Variants in CUX2 observed in about 807,000 individuals in gnomAD.
The protein encoded by CUX2 is cut like homeobox 2.
A neutral mutation model predicts 144.8 loss-of-function variants in CUX2; 40 were observed. The ratio of observed to expected loss-of-function variants is 0.28; its 90% CI spans 0.21 to 0.36. The LOEUF is 0.36. Among genes scored for constraint, CUX2 ranks in the 10% least tolerant of loss-of-function variants. The pLI is 1.00. For synonymous variants in CUX2, 827 were observed against 875.6 expected, an observed-to-expected ratio of 0.94 and a Z score of 0.98; for missense variants, 1,615 against 1,994.0, an observed-to-expected ratio of 0.81 and a Z score of 3.62.
At chr12:111,174,048 T>C (rs914691841) in intron 1 of CUX2, among the ~76,000 whole-genome samples, 3 of 152,164 alleles carry the variant, frequency 2.0e-5, no homozygotes, top group South Asian at 4.1e-4. Context: ...GAGGAAATGC[T>C]GTAGAGAAGC....
Position 111,277,113 on chromosome 12 carries a change from C to G in CUX2, c.301+13274C>G, listed in dbSNP as rs577330516. Reference sequence around the variant, plus strand: ...AACCTTGTGGATGTGGGGGCCCCATCTGCCCCAGGATGAATGGTTGCTGGA... The same window carrying G: ...AACCTTGTGGATGTGGGGGCCCCATGTGCCCCAGGATGAATGGTTGCTGGA... On this transcript the variant is annotated intron_variant, in intron 4 of 21. Transcript: ENST00000261726. The surrounding 1 kb of genome is among the most constrained non-coding windows in gnomAD (Gnocchi z 5.0). Among the ~76,000 whole-genome samples the G allele has an allele frequency of 6.6e-6, 1 of 152,278 alleles. No homozygotes were observed. The highest frequency in any genetic ancestry group is 2.1e-4 in the South Asian group (1 of 4,826).
At chr12:111,213,428 C>T (rs2136224010) in intron 1 of CUX2, among the ~76,000 whole-genome samples, 1 of 152,200 alleles carries the variant, frequency 6.6e-6, no homozygotes, top group African/African-American at 2.4e-5. Flanking sequence ...CCGAAGCATC[C>T]CCCCTTCCAT....
Position 111,178,496 on chromosome 12 carries a change from C to T in CUX2, c.64-35704C>T, listed in dbSNP as rs1014935675. 1.3e-5 allele frequency among the ~76,000 whole-genome samples: 2 copies of T among 152,162 alleles called. No individual in the cohort carries two copies. The highest frequency in any genetic ancestry group is 2.4e-5 in the African/African-American group (1 of 41,430). On this transcript the variant is annotated intron_variant, in intron 1 of 21. Transcript: ENST00000261726. The surrounding 1 kb of genome is among the most constrained non-coding windows in gnomAD (Gnocchi z 5.7). ...TTATGACCCGGTCCAGCCACTCCCC[C>T]TCCCCCATTTAAAACACAGAACGTG...
intron 18 of CUX2, among the ~76,000 whole-genome samples, chr12:111,326,508 G>T (rs1887827449): frequency 6.6e-6 from 1 of 151,756 alleles, no homozygotes; most frequent in South Asian, 2.1e-4. Flanking sequence ...TTGGTTTTTG[G>T]TTTTTTGAGA....
At position 111,298,523 on chromosome 12, in the gene CUX2, C is replaced by T; in HGVS notation, c.705-18C>T. 1 of 1,568,260 alleles carries T rather than the reference C, an allele frequency of 6.4e-7. No individual in the cohort carries two copies. The highest frequency in any genetic ancestry group is 2.3e-5 in the East Asian group (1 of 43,304). ...CCCGCCGGAAGCCCTTCCTCAGGGC[C>T]TCATCTTTGTGTCTCAGGGCAGATG... On this transcript the variant is annotated intron_variant, in intron 8 of 21. Transcript: ENST00000261726.
rs1869453135 is a variant in CUX2 at position 111,036,481 on chromosome 12, A to T, written c.63+2241A>T. Among the ~76,000 whole-genome samples the T allele has an allele frequency of 2.6e-5, 4 of 152,132 alleles. No individual in the cohort carries two copies. The South Asian group carries it at 8.3e-4, about 32-fold the overall frequency. ...CTTGATTCCAGCTGGACGCCCATTA[A>T]TCTGGGAACCCTTTGTTAGGGTTTT... On this transcript the variant is annotated intron_variant, in intron 1 of 21. Transcript: ENST00000261726.
At position 111,037,130 on chromosome 12, in the gene CUX2, C is replaced by G. The variant is rs1869497152; in HGVS notation, c.63+2890C>G. On this transcript the variant is annotated intron_variant, in intron 1 of 21. Coordinates refer to ENST00000261726, the MANE Select transcript of CUX2 (RefSeq NM_015267.4). This position sits in a 1 kb window ranked among gnomAD's most constrained non-coding sequence, Gnocchi z 5.4. Reference sequence around the variant, plus strand: ...GATCCAGGTAGGAGAGGCAGGTCCCCGTGCCCAGCCCCAGGCAGCCGGAGA... The same window carrying G: ...GATCCAGGTAGGAGAGGCAGGTCCCGGTGCCCAGCCCCAGGCAGCCGGAGA... Among the ~76,000 whole-genome samples, 1 of 152,184 alleles carries G rather than the reference C, an allele frequency of 6.6e-6. No homozygotes were observed. The highest frequency in any genetic ancestry group is 1.5e-5 in the Non-Finnish European group (1 of 68,038).
chr12:111,245,145 C>G (rs1883218235), intron 3 of CUX2, among the ~76,000 whole-genome samples: 1 of 152,124 alleles, frequency 6.6e-6, no homozygotes, highest in Non-Finnish European at 1.5e-5. Flanking sequence ...GTGAACTGTT[C>G]TTGGTATTTT....
At chr12:111,048,033 G>C (rs955411352) in intron 1 of CUX2, among the ~76,000 whole-genome samples, 6 of 152,190 alleles carry the variant, frequency 3.9e-5, no homozygotes, top group African/African-American at 1.4e-4. Flanking sequence ...ACCAAAGGGA[G>C]GCCAGTGAGG....
intron 3 of CUX2, among the ~76,000 whole-genome samples, chr12:111,243,485 G>C (rs961818248): frequency 7.1e-6 from 1 of 140,308 alleles, no homozygotes; most frequent in East Asian, 2.1e-4. Context: ...CATTATGATT[G>C]GTTGATGTGC....
At chr12:111,119,429 C>A (rs1309330255) in intron 1 of CUX2, among the ~76,000 whole-genome samples, 2 of 151,640 alleles carry the variant, frequency 1.3e-5, no homozygotes, top group African/African-American at 4.9e-5. Context: ...CATAGCGAGA[C>A]CCCATCTTTA....
At chr12:111,116,224 C>A (rs940625031) in intron 1 of CUX2, among the ~76,000 whole-genome samples, 1 of 152,216 alleles carries the variant, frequency 6.6e-6, no homozygotes, top group East Asian at 1.9e-4. Context: ...TCTGGGGGAA[C>A]GAAAGATGTT....
chr12:111,053,482 T>C (rs1870374964), intron 1 of CUX2, among the ~76,000 whole-genome samples: 1 of 152,142 alleles, frequency 6.6e-6, no homozygotes, highest in Non-Finnish European at 1.5e-5. Flanking sequence ...GCCCCAAGAG[T>C]ATTCTATGAA....
intron 1 of CUX2, among the ~76,000 whole-genome samples, chr12:111,060,713 A>G (rs895227312): frequency 7.2e-5 from 11 of 152,170 alleles, no homozygotes; most frequent in African/African-American, 2.7e-4. Flanking sequence ...CCTTTCCCTC[A>G]GGCCCAGCCC....
chr12:111,099,254 G>A (rs1328536106), intron 1 of CUX2, among the ~76,000 whole-genome samples: 11 of 152,358 alleles, frequency 7.2e-5, no homozygotes, highest in East Asian at 3.9e-4. Flanking sequence ...CCAAAGGCTC[G>A]GAGGTGGGCT....
At chr12:111,136,665 A>T (rs1166505678) in intron 1 of CUX2, among the ~76,000 whole-genome samples, 1 of 152,090 alleles carries the variant, frequency 6.6e-6, no homozygotes, top group African/African-American at 2.4e-5. Flanking sequence ...ACAGTTATTA[A>T]CCCATTATAC....
chr12:111,155,930 A>T (rs4766544), intron 1 of CUX2, among the ~76,000 whole-genome samples: 25,664 of 151,942 alleles, frequency 0.17, 2,454 homozygotes, highest in East Asian at 0.45. Flanking sequence ...AAATAAAAAA[A>T]AAAAATAAAA....
intron 1 of CUX2, among the ~76,000 whole-genome samples, chr12:111,085,358 T>G (rs1872148117): frequency 6.6e-6 from 1 of 152,184 alleles, no homozygotes; most frequent in African/African-American, 2.4e-5. Context: ...GTTAACCATT[T>G]ACCAGCATGC....
chr12:111,297,793 A>G (rs1886086176), intron 8 of CUX2, among the ~76,000 whole-genome samples: 1 of 152,210 alleles, frequency 6.6e-6, no homozygotes, highest in Non-Finnish European at 1.5e-5. Flanking sequence ...GTTCATTCAC[A>G]CATATTGAGC....
Sources: gnomAD v4.1 joint callset for allele counts (sites outside exome capture counted in the v4.1 genomes callset) on GRCh38, gnomAD v4.1.1 for gene constraint, Gnocchi (gnomAD v3.1) non-coding constraint, MANE v1.5 for transcripts, NCBI Gene and HGNC (gene_info 2026-07-23, HGNC 2026-07-21) for gene names.